Variants in NWD2 observed in about 807,000 individuals in gnomAD.
NWD2 encodes NACHT and WD repeat domain-containing protein 2.
Under a neutral mutation model 132.7 loss-of-function variants are expected in NWD2, and 37 were observed. The observed-to-expected ratio is 0.28, with a 90% confidence interval of 0.21 to 0.37. The LOEUF (loss-of-function observed/expected upper bound fraction) is 0.37, where lower values mean the gene tolerates loss of function less well. NWD2 is among the 10% of genes least tolerant of loss of function. The pLI is 1.00. For synonymous variants in NWD2, 705 were observed against 803.0 expected (o/e 0.88, Z 2.06); for missense variants, 1,592 against 2,122.4 (o/e 0.75, Z 4.91).
intron 1 of NWD2, among the ~76,000 whole-genome samples, chr4:37,318,020 CTTTTT>C (rs71185128): frequency 2.6e-5 from 3 of 113,362 alleles, no homozygotes; most frequent in Non-Finnish European, 3.4e-5. Context: ...TTTTTTCTTT[CTTTTT>C]TTTTTTTTTT....
chr4:37,345,178 A>G (rs568648337), intron 2 of NWD2, among the ~76,000 whole-genome samples: 10 of 152,276 alleles, frequency 6.6e-5, no homozygotes, highest in African/African-American at 2.2e-4. Context: ...GCTGCTATGA[A>G]CACTCGTGTA....
chr4:37,431,129 A>G (rs1211230194), intron 4 of NWD2, among the ~76,000 whole-genome samples: 1 of 152,212 alleles, frequency 6.6e-6, no homozygotes, highest in Non-Finnish European at 1.5e-5. Context: ...AATTAAAAAT[A>G]GAACTACCCA....
chr4:37,279,473 G>A (rs890589481), intron 1 of NWD2, among the ~76,000 whole-genome samples: 2 of 152,140 alleles, frequency 1.3e-5, no homozygotes, highest in African/African-American at 4.8e-5. Context: ...TTCCAAATGT[G>A]TTCTGAAATT....
rs182156225 is a variant in NWD2 at position 37,382,137 on chromosome 4, C to T, written c.357+25655C>T. ...TGTAGAAAACAAGTTAGCCCAAGGCCCTAAAGAAGTTAGTCCAGGCATACT... is the reference window on the plus strand; with the variant it reads ...TGTAGAAAACAAGTTAGCCCAAGGCTCTAAAGAAGTTAGTCCAGGCATACT... On this transcript the variant is annotated intron_variant, in intron 3 of 6. Transcript: ENST00000309447. Among the ~76,000 whole-genome samples, 427 of 152,134 alleles carry T rather than the reference C, an allele frequency of 2.8e-3. 3 individuals carry two copies. Among genetic ancestry groups the T allele is most frequent in the Non-Finnish European group, 5.2e-3 (357 of 68,002 alleles).
chr4:37,374,527 G>C (rs552987264), intron 3 of NWD2, among the ~76,000 whole-genome samples: 2 of 152,288 alleles, frequency 1.3e-5, no homozygotes, highest in South Asian at 4.1e-4. Flanking sequence ...TGGTTTCTTG[G>C]TATGCAGAAA....
chr4:37,419,811 C>G (rs80073365), intron 3 of NWD2, among the ~76,000 whole-genome samples: 2,278 of 152,268 alleles, frequency 0.015, 57 homozygotes, highest in African/African-American at 0.052. Context: ...TATATTAACA[C>G]TGGTAAATCA....
intron 3 of NWD2, among the ~76,000 whole-genome samples, chr4:37,382,165 T>A (rs1720466956): frequency 6.6e-6 from 1 of 152,196 alleles, no homozygotes; most frequent in African/African-American, 2.4e-5. Flanking sequence ...GGCATACTTG[T>A]ATTTCGCAAA....
intron 1 of NWD2, among the ~76,000 whole-genome samples, chr4:37,267,841 AAC>A (rs1230785957): frequency 6.6e-6 from 1 of 151,906 alleles, no homozygotes; most frequent in Non-Finnish European, 1.5e-5. Context: ...AGGGGGAAAA[AAC>A]ACAGAAATGG....
rs115533772 is a variant in NWD2, at chr4:37,317,297, C to A, written c.152-8639C>A. The stretch of plus-strand genomic sequence containing the variant: ...CAATCTTTCTTAAGTTTGTGTGTAG[C>A]CTTCCCACCACAGGAATTTGTGGAG... On this transcript the variant is annotated intron_variant, in intron 1 of 6. Transcript: ENST00000309447. Among the ~76,000 whole-genome samples, 437 of 152,306 alleles carry A rather than the reference C, an allele frequency of 2.9e-3. 2 individuals are homozygous for A. The highest frequency in any genetic ancestry group is 0.01 in the African/African-American group (416 of 41,566).
intron 1 of NWD2, among the ~76,000 whole-genome samples, chr4:37,320,665 C>T (rs1191401985): frequency 6.6e-6 from 1 of 152,120 alleles, no homozygotes; most frequent in Non-Finnish European, 1.5e-5. Context: ...AGCTGCCAAA[C>T]AAGAAATTAG....
intron 2 of NWD2, among the ~76,000 whole-genome samples, chr4:37,332,578 G>A (rs1340789067): frequency 6.6e-6 from 1 of 152,102 alleles, no homozygotes; most frequent in Non-Finnish European, 1.5e-5. Flanking sequence ...TGAATAATCA[G>A]CAGTAATACC....
chr4:37,252,467 C>T (rs1007671158), intron 1 of NWD2, among the ~76,000 whole-genome samples: 1 of 152,162 alleles, frequency 6.6e-6, no homozygotes, highest in African/African-American at 2.4e-5. Flanking sequence ...ATTTCTCTTT[C>T]AGTTATCTAT....
chr4:37,421,910 G>C (rs1276328164), intron 3 of NWD2, among the ~76,000 whole-genome samples: 1 of 152,184 alleles, frequency 6.6e-6, no homozygotes, highest in African/African-American at 2.4e-5. Flanking sequence ...TCAGGTTCCA[G>C]TGAGGGCTGT....
chr4:37,425,124 C>G (rs1234246979), intron 3 of NWD2, among the ~76,000 whole-genome samples: 3 of 152,128 alleles, frequency 2.0e-5, no homozygotes, highest in African/African-American at 7.2e-5. Flanking sequence ...TTCTAAAGAG[C>G]TCAATAGTTC....
intron 3 of NWD2, among the ~76,000 whole-genome samples, chr4:37,396,964 C>T (rs375305747): frequency 5.3e-5 from 8 of 151,294 alleles, no homozygotes; most frequent in South Asian, 4.3e-4. Context: ...ACCCAGGAGG[C>T]GGAGGTTGCA....
chr4:37,391,017 C>T (rs144257404), intron 3 of NWD2, among the ~76,000 whole-genome samples: 119 of 152,324 alleles, frequency 7.8e-4, no homozygotes, highest in Middle Eastern at 6.8e-3. Flanking sequence ...TGTGTCTCAA[C>T]ACAATCTACC....
At chr4:37,297,668 C>T (rs1446407202) in intron 1 of NWD2, among the ~76,000 whole-genome samples, 1 of 152,110 alleles carries the variant, frequency 6.6e-6, no homozygotes, top group South Asian at 2.1e-4. Context: ...TAATACAGTT[C>T]CTCAGTCTGT....
chr4:37,301,372 A>G (rs1254682060), intron 1 of NWD2, among the ~76,000 whole-genome samples: 1 of 152,074 alleles, frequency 6.6e-6, no homozygotes, highest in East Asian at 1.9e-4. Context: ...CTTTCAACAA[A>G]TCTGGGAAAT....
intron 3 of NWD2, among the ~76,000 whole-genome samples, chr4:37,417,105 G>A (rs189338051): frequency 8.2e-4 from 125 of 151,914 alleles, no homozygotes; most frequent in Admixed American, 2.5e-3. Flanking sequence ...AAAACCTATC[G>A]AATTAAAAAA....
Sources: allele counts gnomAD v4.1 joint callset (sites outside exome capture counted in the v4.1 genomes callset), GRCh38; gene constraint gnomAD v4.1.1; transcripts MANE v1.5; gene names NCBI Gene and HGNC (gene_info 2026-07-23, HGNC 2026-07-21).